Variants in E4F1 observed in about 807,000 individuals in gnomAD.
The protein encoded by E4F1 is E4F transcription factor 1.
A neutral mutation model predicts 72.9 loss-of-function variants in E4F1; 30 were observed. The ratio of observed to expected loss-of-function variants is 0.41; its 90% CI spans 0.31 to 0.56. The LOEUF (loss-of-function observed/expected upper bound fraction) is 0.56, where lower values mean the gene tolerates loss of function less well. Ranked by LOEUF, E4F1 falls within the 20% of genes least tolerant of loss-of-function variation. The pLI is 0.25. For synonymous variants in E4F1, 542 were observed against 478.2 expected, an observed-to-expected ratio of 1.13 and a Z score of -1.74; for missense variants, 1,091 against 1,117.5, an observed-to-expected ratio of 0.98 and a Z score of 0.34.
rs1450720698 is a variant in E4F1 at position 2,231,983 on chromosome 16, C to T, written c.416-188C>T. 3 of 686,990 alleles carry T rather than the reference C, an allele frequency of 4.4e-6. No individual in the cohort carries two copies. The African/African-American group carries it at 5.4e-5, about 12-fold the overall frequency. 42.6% of individuals were successfully genotyped at this position (686,990 alleles called of 1,614,324 possible). A position where few individuals can be genotyped will look rare whatever the true frequency, so the allele number is the denominator to read the frequency against. On this transcript the variant is annotated intron_variant, in intron 3 of 13. Transcript: ENST00000301727. ...GACAGAGTCGGGAGGTGTCTCTCCA[C>T]CTCTCACTCTGACCTGGAGAGGTGA...
intron 1 of E4F1, among the ~76,000 whole-genome samples, chr16:2,224,706 T>A (rs958366564): frequency 2.0e-5 from 3 of 151,580 alleles, no homozygotes; most frequent in Non-Finnish European, 4.4e-5. Flanking sequence ...TGGCGTGAAC[T>A]CGGGAGGTGG....
rs749793321 is a variant in E4F1 at position 2,233,990 on chromosome 16, G to A, written c.1375G>A (p.Gly459Arg). Reference sequence around the variant, plus strand: ...GGAGGCCCACAAGAGGGGCCACACCGGTAGGTGATGGGTGGGTGTGTGGCC... The same window carrying A: ...GGAGGCCCACAAGAGGGGCCACACCAGTAGGTGATGGGTGGGTGTGTGGCC... The part of the protein sequence containing the change: ...TLEAHKRGHT[G>R]PRPFACAQCG... Residue 459 changes from glycine (G) to arginine (R), a missense_variant and splice_region_variant, in exon 9 of 14, where the codon GGG (glycine) becomes AGG (arginine). Coordinates refer to ENST00000301727, the MANE Select transcript of E4F1 (RefSeq NM_004424.5). 1.5e-5 allele frequency: 23 copies of A among 1,584,210 alleles called. No homozygotes were observed. The highest frequency in any genetic ancestry group is 9.2e-5 in the East Asian group (4 of 43,288).
At chr16:2,225,880 G>A (rs888308078) in intron 1 of E4F1, among the ~76,000 whole-genome samples, 1 of 151,764 alleles carries the variant, frequency 6.6e-6, no homozygotes, top group Non-Finnish European at 1.5e-5. Flanking sequence ...CGGATCCCGA[G>A]GTCAGGAGAT....
chr16:2,224,050 A>T (rs2093415943), intron 1 of E4F1: 1 of 1,158,298 alleles, frequency 8.6e-7, no homozygotes, highest in Non-Finnish European at 1.1e-6. Context: ...ACATTCGCAG[A>T]CGCCGGCGTC....
intron 3 of E4F1, 200 bp from the exon 4 acceptor site, chr16:2,231,971 G>C: frequency 4.7e-6 from 3 of 638,280 alleles, no homozygotes; most frequent in Non-Finnish European, 8.0e-6. Context: ...AGAGTCGGGA[G>C]GTGTCTCTCC....
In E4F1 at chr16:2,234,586, G is replaced by A. The variant is rs1166967039; in HGVS notation, c.1597G>A (p.Ala533Thr). The change falls in exon 11 of 14, where the codon GCA becomes ACA. Residue 533 changes from alanine to threonine, a missense_variant. Physicochemically the swap from Ala to Thr is moderately conservative, Grantham distance 58 (BLOSUM62 0). Transcript: ENST00000301727. ...KCGKRYKTKN[A>T]QQVHFRTHLE... ...GCACTGACAGGTGTCTCCACAGAAC[G>A]CACAGCAGGTGCACTTCAGGACACA... 1 of 1,589,546 alleles carries A rather than the reference G, an allele frequency of 6.3e-7. No individual in the cohort carries two copies. The highest frequency in any genetic ancestry group is 8.6e-7 in the Non-Finnish European group (1 of 1,168,392).
chr16:2,223,984 C>T, intron 1 of E4F1: 1 of 1,498,074 alleles, frequency 6.7e-7, no homozygotes, highest in East Asian at 2.6e-5. Flanking sequence ...TCCCCCCTCT[C>T]TGGTGTGCGT....
At chr16:2,223,982 C>G (rs535391582) in intron 1 of E4F1, 22 of 1,499,278 alleles carry the variant, frequency 1.5e-5, no homozygotes, top group Non-Finnish European at 1.9e-5. Flanking sequence ...CATCCCCCCT[C>G]TCTGGTGTGC....
rs201773481 is a variant in E4F1 at position 2,233,047 on chromosome 16, C to T, written c.920C>T (p.Thr307Ile). The change falls in exon 7 of 14, where the codon ACA (threonine) becomes ATA (isoleucine). Residue 307 changes from threonine (T) to isoleucine (I), a missense_variant. By Grantham distance (89) the Thr-to-Ile change is moderately conservative. Transcript: ENST00000301727. ...GGAGCTGCCGGCTTGGGGACAGCCA[C>T]ATCATCGGTGACAGGCGAGCCTATA... is the stretch of plus-strand genomic sequence containing the variant. ...GAGAAGLGTA[T>I]SSVTGEPIET... is the part of the protein sequence containing the mutation. 729 of 1,610,278 alleles carry T rather than the reference C, an allele frequency of 4.5e-4. No individual in the cohort carries two copies. Among genetic ancestry groups the T allele is most frequent in the Non-Finnish European group, 5.8e-4 (680 of 1,177,716 alleles).
intron 1 of E4F1, among the ~76,000 whole-genome samples, chr16:2,225,479 T>C (rs983076477): frequency 4.0e-5 from 6 of 151,158 alleles, no homozygotes; most frequent in East Asian, 2.0e-4. Context: ...TATTTTCTTT[T>C]TTTTTTTTTT....
At chr16:2,229,018 G>T (rs1388212729) in intron 2 of E4F1, among the ~76,000 whole-genome samples, 2 of 152,236 alleles carry the variant, frequency 1.3e-5, no homozygotes, top group African/African-American at 2.4e-5. Flanking sequence ...CTTGTCATCC[G>T]CATTGCACGG....
At chr16:2,224,347 C>T (rs1184379806) in intron 1 of E4F1, among the ~76,000 whole-genome samples, 2 of 152,248 alleles carry the variant, frequency 1.3e-5, no homozygotes, top group Admixed American at 6.5e-5. Context: ...CTCTATTTCC[C>T]CTACAGAATG....
At chr16:2,232,434 G>A (rs541004611) in intron 4 of E4F1, 22 bp from the exon 5 acceptor site, 2 of 1,607,726 alleles carry the variant, frequency 1.2e-6, no homozygotes, top group South Asian at 2.2e-5. Context: ...AGGGCCCTGA[G>A]CTGCCACGCC....
At position 2,223,687 on chromosome 16, in the gene E4F1, C is replaced by A; in HGVS notation, c.74C>A (p.Ala25Glu). The A allele has an allele frequency of 6.3e-7, 1 of 1,576,530 alleles. No individual in the cohort carries two copies. Among genetic ancestry groups the A allele is most frequent in the Non-Finnish European group, 8.5e-7 (1 of 1,169,714 alleles). Residue 25 changes from alanine to glutamate, a missense_variant, in exon 1 of 14, where the codon GCG becomes GAG. Physicochemically the swap from Ala to Glu is moderately radical, Grantham distance 107. This residue lies in a region of E4F1 where 362 missense variants were observed against 358.6 expected (regional missense o/e 1.01). Coordinates refer to ENST00000301727, the MANE Select transcript of E4F1 (RefSeq NM_004424.5). ...GCCCAGGCCGAAGCCGGGCGGGAAG[C>A]GGGCGAGGGTGCAGTTGCGGCGGTG... is the stretch of plus-strand genomic sequence containing the variant. Reference protein sequence around the residue: ...AEAQAEAGREAGEGAVAAVAA... With the variant: ...AEAQAEAGREEGEGAVAAVAA...
rs769167141 is a variant in E4F1, at chr16:2,223,645, C to A, written c.32C>A (p.Ala11Asp). 3 of 1,590,466 alleles carry A rather than the reference C, an allele frequency of 1.9e-6. No individual in the cohort carries two copies. The Admixed American group carries it at 5.1e-5, about 27-fold the overall frequency. Residue 11 changes from alanine (A) to aspartate (D), a missense_variant, in exon 1 of 14, where the codon GCC (alanine) becomes GAC (aspartate). Coordinates refer to ENST00000301727, the MANE Select transcript of E4F1 (RefSeq NM_004424.5). ...GGCGCGATGGCAGTGCGGGTGACGG[C>A]CGCTCATACGGCAGAAGCCCAGGCC... MEGAMAVRVT[A>D]AHTAEAQAEA...
In E4F1 at chr16:2,232,850, G is replaced by A; in HGVS notation, c.825G>A (p.Glu275=). The A allele has an allele frequency of 1.2e-6, 2 of 1,613,488 alleles. No individual in the cohort carries two copies. The highest frequency in any genetic ancestry group is 1.7e-6 in the Non-Finnish European group (2 of 1,180,014). The change falls in exon 6 of 14, where the codon GAG becomes GAA. Residue 275 remains glutamate (E), a synonymous_variant. Transcript: ENST00000301727. Reference sequence around the variant, plus strand: ...TCAAGTCTCTCACCCCCTGCACAGAGAAAATCCGCTTCAGTGTGAGCAAGG... The same window carrying A: ...TCAAGTCTCTCACCCCCTGCACAGAAAAAATCCGCTTCAGTGTGAGCAAGG... ...RHLKSLTPCT[E]KIRFSVSKDV...
At position 2,232,519 on chromosome 16, in the gene E4F1, T is replaced by G; in HGVS notation, c.673T>G (p.Cys225Gly). Residue 225 changes from cysteine (C) to glycine (G), a missense_variant, in exon 5 of 14, where the codon TGT becomes GGT. Transcript: ENST00000301727. ...SSRKDHECKL[C>G]GASFRTKGSL... is the part of the protein sequence containing the mutation. ...CCGCAAGGACCACGAGTGCAAGCTC[T>G]GTGGGGCCTCCTTCCGCACCAAGGG... 6.2e-7 allele frequency: 1 copy of G among 1,612,006 alleles called. No individual in the cohort carries two copies. Among genetic ancestry groups the G allele is most frequent in the Non-Finnish European group, 8.5e-7 (1 of 1,179,554 alleles).
intron 3 of E4F1, chr16:2,229,893 C>G (rs2093456675): frequency 1.8e-6 from 1 of 542,054 alleles, no homozygotes; most frequent in East Asian, 3.1e-5. Flanking sequence ...GGGGGCACAC[C>G]CAGGCACCAG....
rs776150915 is a variant in E4F1 at position 2,234,680 on chromosome 16, G to A, written c.1691G>A (p.Arg564Gln). 3.4e-5 allele frequency: 54 copies of A among 1,580,954 alleles called. No homozygotes were observed. The highest frequency in any genetic ancestry group is 4.5e-5 in the Non-Finnish European group (52 of 1,163,258). ...RGFREKGSLV[R>Q]HVRHHTGEKP... ...TTCCGAGAGAAGGGCTCACTGGTGC[G>A]GCACGTGCGACACCACACAGGCGAG... is the stretch of plus-strand genomic sequence containing the variant. Residue 564 changes from arginine (R) to glutamine (Q), a missense_variant, in exon 11 of 14, where the codon CGG becomes CAG. By Grantham distance (43) the Arg-to-Gln change is conservative. Around this residue, in one of 5 missense-constraint regions of E4F1, gnomAD observed 622 missense variants for 628.0 expected, o/e 0.99. Transcript: ENST00000301727.
Sources: allele counts gnomAD v4.1 joint callset (sites outside exome capture counted in the v4.1 genomes callset), GRCh38; gene constraint gnomAD v4.1.1; regional missense constraint gnomAD v4.1.1; transcripts MANE v1.5; gene names NCBI Gene and HGNC (gene_info 2026-07-23, HGNC 2026-07-21).